The following TSNARE1 variants were observed in gnomAD, a reference collection of about 807,000 sequenced individuals.
TSNARE1 encodes t-SNARE domain containing 1, also known as t-SNARE domain-containing protein 1.
Under a neutral mutation model 62.0 loss-of-function variants are expected in TSNARE1, and 49 were observed. The observed-to-expected ratio is 0.79, with a 90% CI of 0.63 to 1.00. The LOEUF (loss-of-function observed/expected upper bound fraction) is 1.00, where lower values mean the gene tolerates loss of function less well. Among genes scored for constraint, TSNARE1 ranks in the 50% least tolerant of loss-of-function variants. The pLI, the probability that TSNARE1 is intolerant of heterozygous loss-of-function variation, is 0.00. For synonymous variants in TSNARE1, 328 were observed against 294.4 expected, an observed-to-expected ratio of 1.11 and a Z score of -1.17; for missense variants, 755 against 700.1, an observed-to-expected ratio of 1.08 and a Z score of -0.88.
intron 12 of TSNARE1, among the ~76,000 whole-genome samples, chr8:142,236,750 G>A (rs1224154335): frequency 6.6e-6 from 1 of 152,120 alleles, no homozygotes; most frequent in Middle Eastern, 3.2e-3. Context: ...GTCTGCCCCA[G>A]TCCCTCTCCT....
chr8:142,321,412 C>T (rs989014083), intron 6 of TSNARE1, among the ~76,000 whole-genome samples: 4 of 152,040 alleles, frequency 2.6e-5, no homozygotes, highest in Admixed American at 6.6e-5. Flanking sequence ...AATCAGTGTC[C>T]AGAAAGTCCA....
At chr8:142,277,074 A>T in intron 11 of TSNARE1, 1 of 985,290 alleles carries the variant, frequency 1.0e-6, no homozygotes, top group Non-Finnish European at 1.2e-6. Flanking sequence ...GCGACACTCC[A>T]ATACCTCATC....
At chr8:142,361,680 G>C (rs1370178279) in intron 1 of TSNARE1, among the ~76,000 whole-genome samples, 2 of 152,232 alleles carry the variant, frequency 1.3e-5, no homozygotes, top group Non-Finnish European at 1.5e-5. Context: ...AGGGAGCTCA[G>C]GCTCAGGCTT....
intron 11 of TSNARE1, chr8:142,278,460 G>C (rs1820856538): frequency 1.0e-6 from 1 of 985,364 alleles, no homozygotes; most frequent in South Asian, 4.7e-5. Flanking sequence ...CCTTCCAGCA[G>C]CTCCCAGGAA....
chr8:142,277,793 G>A (rs1409375365), intron 11 of TSNARE1: 2 of 985,226 alleles, frequency 2.0e-6, no homozygotes, highest in East Asian at 1.1e-4. Flanking sequence ...TCTCAGTCTA[G>A]GGCAGGGAAC....
chr8:142,239,154 A>G (rs997976483), intron 12 of TSNARE1, among the ~76,000 whole-genome samples: 5 of 152,202 alleles, frequency 3.3e-5, no homozygotes, highest in Admixed American at 3.3e-4. Flanking sequence ...TCTAGGGCTC[A>G]GGGGAAGCTT....
chr8:142,316,451 G>T (rs1316465101), intron 7 of TSNARE1, among the ~76,000 whole-genome samples: 1 of 151,792 alleles, frequency 6.6e-6, no homozygotes, highest in Non-Finnish European at 1.5e-5. Flanking sequence ...CTCTGTTACA[G>T]TTTTTTAGTG....
At chr8:142,308,664 G>A (rs1409952741) in intron 9 of TSNARE1, among the ~76,000 whole-genome samples, 1 of 152,170 alleles carries the variant, frequency 6.6e-6, no homozygotes, top group Non-Finnish European at 1.5e-5. Context: ...TTTCATTTCT[G>A]TGCTTTATAG....
intron 13 of TSNARE1, among the ~76,000 whole-genome samples, chr8:142,218,758 G>A (rs1406229642): frequency 6.6e-6 from 1 of 152,182 alleles, no homozygotes; most frequent in Non-Finnish European, 1.5e-5. Context: ...TGGCCCTGGA[G>A]CCTTGAGGCC....
intron 1 of TSNARE1, among the ~76,000 whole-genome samples, chr8:142,377,313 C>T (rs147494996): frequency 2.0e-5 from 3 of 151,844 alleles, no homozygotes; most frequent in East Asian, 1.9e-4. Context: ...ACAAAAGCAA[C>T]GTTATCCACA....
chr8:142,327,253 C>CA (rs1245143284), intron 6 of TSNARE1, among the ~76,000 whole-genome samples: 1 of 152,158 alleles, frequency 6.6e-6, no homozygotes, highest in African/African-American at 2.4e-5. Flanking sequence ...TACAGTGAGA[C>CA]AGAGGGGTGC....
At position 142,390,249 on chromosome 8, in the gene TSNARE1, C is replaced by T. The variant is rs560460877; in HGVS notation, c.-40+12855G>A. 2.9e-4 allele frequency among the ~76,000 whole-genome samples: 43 copies of T among 149,900 alleles called. 1 individual carries two copies. The highest frequency in any genetic ancestry group is 1.9e-3 in the Admixed American group (29 of 15,086). On this transcript the variant is annotated intron_variant, in intron 1 of 13. Coordinates refer to ENST00000524325, the MANE Select transcript of TSNARE1 (RefSeq NM_145003.5). ...ACACTTTGGGGGACTTTATAACAGACGCTGTACACTGCTGGGGACTCCGTA... is the reference window on the plus strand; with the variant it reads ...ACACTTTGGGGGACTTTATAACAGATGCTGTACACTGCTGGGGACTCCGTA...
intron 12 of TSNARE1, among the ~76,000 whole-genome samples, chr8:142,265,786 G>C (rs1003683963): frequency 6.6e-6 from 1 of 152,168 alleles, no homozygotes; most frequent in African/African-American, 2.4e-5. Flanking sequence ...GTGGCATCGC[G>C]GTGTGGGCTT....
intron 2 of TSNARE1, among the ~76,000 whole-genome samples, chr8:142,346,739 G>A (rs1203854041): frequency 2.0e-5 from 3 of 152,212 alleles, no homozygotes; most frequent in Non-Finnish European, 4.4e-5. Flanking sequence ...GGGCCAGGTC[G>A]GCACAGTGGG....
chr8:142,401,080 C>T (rs1838256248), intron 1 of TSNARE1, among the ~76,000 whole-genome samples: 1 of 152,160 alleles, frequency 6.6e-6, no homozygotes, highest in African/African-American at 2.4e-5. Flanking sequence ...GTCTTTCCTC[C>T]CCACCTGGAA....
intron 10 of TSNARE1, among the ~76,000 whole-genome samples, chr8:142,287,962 T>C (rs1476948466): frequency 6.6e-6 from 1 of 152,212 alleles, no homozygotes; most frequent in Non-Finnish European, 1.5e-5. Flanking sequence ...TGGGGCTCCC[T>C]TCAGGACGTC....
chr8:142,342,079 A>G (rs1194754734), intron 4 of TSNARE1, among the ~76,000 whole-genome samples: 3 of 152,238 alleles, frequency 2.0e-5, no homozygotes, highest in Non-Finnish European at 4.4e-5. Context: ...CGGACACAGC[A>G]AAGGGGAGGC....
chr8:142,322,835 T>C (rs1196198270), intron 6 of TSNARE1, among the ~76,000 whole-genome samples: 5 of 151,540 alleles, frequency 3.3e-5, no homozygotes, highest in Non-Finnish European at 7.4e-5. Flanking sequence ...ACGATACTAT[T>C]ACGAAAGGCC....
chr8:142,347,850 C>T (rs1426493772), intron 2 of TSNARE1, among the ~76,000 whole-genome samples: 1 of 151,586 alleles, frequency 6.6e-6, no homozygotes, highest in Non-Finnish European at 1.5e-5. Context: ...CATCACCTCG[C>T]CACACTGCAT....
Sources: gnomAD v4.1 joint callset for allele counts (sites outside exome capture counted in the v4.1 genomes callset) on GRCh38, gnomAD v4.1.1 for gene constraint, MANE v1.5 for transcripts, NCBI Gene and HGNC (gene_info 2026-07-23, HGNC 2026-07-21) for gene names.